Variants in MARCHF1 observed in about 807,000 individuals in gnomAD.
The protein encoded by MARCHF1 is E3 ubiquitin-protein ligase MARCHF1.
A neutral mutation model predicts 54.2 loss-of-function variants in MARCHF1; 40 were observed. The ratio of observed to expected loss-of-function variants is 0.74; its 90% confidence interval spans 0.57 to 0.96. The LOEUF (loss-of-function observed/expected upper bound fraction) is 0.96. Among genes scored for constraint, MARCHF1 ranks in the 40% least tolerant of loss-of-function variants. MARCHF1 has a pLI of 0.00. For missense variants in MARCHF1, 586 were observed against 656.5 expected (o/e 0.89, Z 1.17); for synonymous variants, 236 against 236.3 (o/e 1.00, Z 0.01).
At chr4:163,576,524 A>C (rs892684010) in intron 8 of MARCHF1, among the ~76,000 whole-genome samples, 1 of 152,016 alleles carries the variant, frequency 6.6e-6, no homozygotes, top group Non-Finnish European at 1.5e-5. Context: ...TCTGTGGTTG[A>C]TGAATAGAGT....
intron 1 of MARCHF1, among the ~76,000 whole-genome samples, chr4:164,173,475 T>C: frequency 6.6e-6 from 1 of 152,214 alleles, no homozygotes; most frequent in Non-Finnish European, 1.5e-5. Flanking sequence ...GCAGACGCAA[T>C]TCAATATTGT....
chr4:163,656,714 A>C (rs1191051087), intron 5 of MARCHF1, among the ~76,000 whole-genome samples: 1 of 152,154 alleles, frequency 6.6e-6, no homozygotes, highest in Non-Finnish European at 1.5e-5. Context: ...ACCATGATCA[A>C]GTTGCCTTCA....
chr4:164,033,816 A>G (rs191292347), intron 2 of MARCHF1, among the ~76,000 whole-genome samples: 10 of 152,302 alleles, frequency 6.6e-5, no homozygotes, highest in African/African-American at 1.7e-4. Context: ...CACTTTTTAC[A>G]TTGTTGGCGG....
chr4:164,347,515 T>G (rs1290202837), intron 1 of MARCHF1, among the ~76,000 whole-genome samples: 1 of 152,214 alleles, frequency 6.6e-6, no homozygotes, highest in Non-Finnish European at 1.5e-5. Flanking sequence ...CTTACCTATT[T>G]TTATTTTCTT....
chr4:163,738,999 TTC>T (rs1746123203), intron 4 of MARCHF1, among the ~76,000 whole-genome samples: 1 of 152,348 alleles, frequency 6.6e-6, no homozygotes, highest in African/African-American at 2.4e-5. Context: ...GAAGATTTTA[TTC>T]TTTTTGTCAA....
intron 4 of MARCHF1, among the ~76,000 whole-genome samples, chr4:163,741,362 A>G (rs1385578938): frequency 2.0e-5 from 3 of 152,048 alleles, no homozygotes; most frequent in Non-Finnish European, 4.4e-5. Flanking sequence ...AGGTGGGTGG[A>G]TTACTTGAGG....
At chr4:163,590,028 G>A (rs1257717098) in intron 7 of MARCHF1, among the ~76,000 whole-genome samples, 2 of 147,756 alleles carry the variant, frequency 1.4e-5, no homozygotes, top group Non-Finnish European at 3.0e-5. Context: ...ACCACATAAC[G>A]CTATGCAGCA....
At chr4:163,718,551 G>T (rs1022597758) in intron 4 of MARCHF1, among the ~76,000 whole-genome samples, 1 of 152,188 alleles carries the variant, frequency 6.6e-6, no homozygotes, top group African/African-American at 2.4e-5. Context: ...CTATTCTGAT[G>T]TAGAAAGGCA....
intron 2 of MARCHF1, among the ~76,000 whole-genome samples, chr4:164,100,226 T>C (rs1755510753): frequency 2.3e-5 from 1 of 43,076 alleles, no homozygotes; most frequent in South Asian, 4.9e-4. Flanking sequence ...GAGAAACGTG[T>C]ACATTTGCAT....
rs781781530 is a variant in MARCHF1 at position 163,792,947 on chromosome 4, A to T, written c.111+61074T>A. 3.3e-5 allele frequency among the ~76,000 whole-genome samples: 5 copies of T among 152,222 alleles called. 1 individual carries two copies. The highest frequency in any genetic ancestry group is 7.3e-5 in the Non-Finnish European group (5 of 68,038). On this transcript the variant is annotated intron_variant, in intron 4 of 9. Coordinates refer to ENST00000514618, the MANE Select transcript of MARCHF1 (RefSeq NM_001394959.1). ...GTAACTTTTTGAACTAAAGCACAGA[A>T]AAGTGCTGAAATTTCTCTGTCTCCT... is the stretch of plus-strand genomic sequence containing the variant.
chr4:163,663,669 C>T (rs1743428648), intron 5 of MARCHF1, among the ~76,000 whole-genome samples: 1 of 152,054 alleles, frequency 6.6e-6, no homozygotes, highest in South Asian at 2.1e-4. Context: ...AAGGCCACGT[C>T]TCTCCTGGCG....
chr4:163,670,368 A>ATCTATCTATCTGTCTG (rs1334233298), intron 5 of MARCHF1, among the ~76,000 whole-genome samples: 51 of 128,894 alleles, frequency 4.0e-4, no homozygotes, highest in Non-Finnish European at 5.8e-4. Flanking sequence ...GGATCTATCT[A>ATCTATCTATCTGTCTG]TCTATCTATC....
At chr4:164,032,632 G>C (rs1753902366) in intron 2 of MARCHF1, among the ~76,000 whole-genome samples, 1 of 152,110 alleles carries the variant, frequency 6.6e-6, no homozygotes, top group African/African-American at 2.4e-5. Flanking sequence ...TTTCCACATA[G>C]TTGTGTGGTT....
chr4:164,044,170 C>T (rs930454920), intron 2 of MARCHF1, among the ~76,000 whole-genome samples: 2 of 152,178 alleles, frequency 1.3e-5, no homozygotes, highest in African/African-American at 2.4e-5. Flanking sequence ...TTCACATTTT[C>T]AGGTATCTTT....
intron 3 of MARCHF1, among the ~76,000 whole-genome samples, chr4:163,872,651 A>G (rs1750192622): frequency 6.6e-6 from 1 of 152,154 alleles, no homozygotes; most frequent in Non-Finnish European, 1.5e-5. Context: ...AAGGTATTCT[A>G]TGTCAGAATA....
At chr4:163,641,612 G>A (rs1742558473) in intron 5 of MARCHF1, among the ~76,000 whole-genome samples, 1 of 152,098 alleles carries the variant, frequency 6.6e-6, no homozygotes, top group Admixed American at 6.6e-5. Flanking sequence ...TATATGCTAG[G>A]AACAGAATGT....
intron 4 of MARCHF1, among the ~76,000 whole-genome samples, chr4:163,810,247 T>C (rs1265572109): frequency 6.6e-6 from 1 of 152,174 alleles, no homozygotes; most frequent in Non-Finnish European, 1.5e-5. Flanking sequence ...TCTGGTCTGA[T>C]TTAAGTTCTT....
intron 1 of MARCHF1, among the ~76,000 whole-genome samples, chr4:164,154,252 G>A (rs960695421): frequency 3.3e-5 from 5 of 152,170 alleles, no homozygotes; most frequent in Non-Finnish European, 7.4e-5. Context: ...TAGTCATGCT[G>A]TAAAATTTGG....
At chr4:163,724,350 G>C (rs371292894) in intron 4 of MARCHF1, among the ~76,000 whole-genome samples, 1 of 152,218 alleles carries the variant, frequency 6.6e-6, no homozygotes, top group African/African-American at 2.4e-5. Flanking sequence ...AGCAAATGCT[G>C]CCTGATCGTT....
Sources: allele counts gnomAD v4.1 joint callset (sites outside exome capture counted in the v4.1 genomes callset), GRCh38; gene constraint gnomAD v4.1.1; transcripts MANE v1.5; gene names NCBI Gene and HGNC (gene_info 2026-07-23, HGNC 2026-07-21).